Variants in DNAH11 observed in about 807,000 individuals in gnomAD.
DNAH11 encodes the protein dynein axonemal heavy chain 11.
A neutral mutation model predicts 526.0 loss-of-function variants in DNAH11; 442 were observed. That is an observed-to-expected ratio of 0.84 (90% CI 0.78 to 0.91). The LOEUF (loss-of-function observed/expected upper bound fraction) is 0.91, where lower values mean the gene tolerates loss of function less well. Ranked by LOEUF, DNAH11 falls within the 40% of genes least tolerant of loss-of-function variation. The pLI is 0.00. For synonymous variants in DNAH11, 2,461 were observed against 1,935.9 expected, an observed-to-expected ratio of 1.27 and a Z score of -7.12; for missense variants, 6,989 against 5,448.7, an observed-to-expected ratio of 1.28 and a Z score of -8.90.
chr7:21,634,350 C>G (rs1360244946), intron 25 of DNAH11, among the ~76,000 whole-genome samples: 2 of 152,066 alleles, frequency 1.3e-5, no homozygotes, highest in Admixed American at 6.6e-5. Flanking sequence ...ATTCGGTGAA[C>G]AAGAGGAGGA....
chr7:21,779,476 C>T (rs1282463191), intron 57 of DNAH11, among the ~76,000 whole-genome samples: 1 of 152,108 alleles, frequency 6.6e-6, no homozygotes, highest in Non-Finnish European at 1.5e-5. Flanking sequence ...GTTAACAAAG[C>T]CCATTCCGTC....
Position 21,687,485 on chromosome 7 carries a change from A to G in DNAH11, c.5882A>G (p.Gln1961Arg). The change falls in exon 34 of 82, where the codon CAA (glutamine) becomes CGA (arginine). Residue 1961 changes from glutamine to arginine, a missense_variant. Gln to Arg is a conservative substitution (Grantham distance 43). Transcript: ENST00000409508. The part of the protein sequence containing the change: ...SVEVLSVVAV[Q>R]VKMIHDAIRN... ...GAAGTTCTGTCAGTGGTGGCAGTACAAGTGAAAATGATTCATGATGCCATC... is the reference window on the plus strand; with the variant it reads ...GAAGTTCTGTCAGTGGTGGCAGTACGAGTGAAAATGATTCATGATGCCATC... 1 of 1,613,818 alleles carries G rather than the reference A, an allele frequency of 6.2e-7. No individual in the cohort carries two copies. The highest frequency in any genetic ancestry group is 8.5e-7 in the Non-Finnish European group (1 of 1,179,850).
chr7:21,623,257 A>G (rs952607187), intron 25 of DNAH11, among the ~76,000 whole-genome samples: 1 of 152,060 alleles, frequency 6.6e-6, no homozygotes, highest in African/African-American at 2.4e-5. Context: ...AATCAAAACC[A>G]CAATGAGATA....
intron 30 of DNAH11, among the ~76,000 whole-genome samples, chr7:21,680,277 C>T (rs768445582): frequency 1.3e-5 from 2 of 152,184 alleles, no homozygotes; most frequent in African/African-American, 2.4e-5. Context: ...ATTCACTTAC[C>T]ACCAGCTTTC....
chr7:21,828,634 CAAATG>C (rs1214019326), intron 65 of DNAH11, among the ~76,000 whole-genome samples: 2 of 151,866 alleles, frequency 1.3e-5, no homozygotes, highest in Non-Finnish European at 2.9e-5. Flanking sequence ...AAATAACAAA[CAAATG>C]AAATTGTCTT....
At chr7:21,852,278 G>T (rs1036957534) in intron 66 of DNAH11, among the ~76,000 whole-genome samples, 189 bp from the exon 67 acceptor site, 2 of 151,766 alleles carry the variant, frequency 1.3e-5, no homozygotes, top group South Asian at 4.2e-4. Flanking sequence ...GTGGTGGCAG[G>T]CACCTGTAAT....
chr7:21,600,116 T>C lies in DNAH11; in HGVS notation c.2997T>C (p.Tyr999=), dbSNP rs571896470. Residue 999 remains tyrosine (Y), a synonymous_variant, in exon 15 of 82, where the codon TAT becomes TAC. Transcript: ENST00000409508. ...CAACACACCTGGAAATTAAAAATTATCAGGTATTTTCTTAGTAAATGGGTA... is the reference window on the plus strand; with the variant it reads ...CAACACACCTGGAAATTAAAAATTACCAGGTATTTTCTTAGTAAATGGGTA... ...RIATHLEIKN[Y]QNDMDNMLGL... 2.4e-5 allele frequency: 37 copies of C among 1,533,886 alleles called. No homozygotes were observed. The South Asian group carries it at 4.5e-4, about 19-fold the overall frequency.
At position 21,839,239 on chromosome 7, in the gene DNAH11, T is replaced by C. The variant is rs116933873; in HGVS notation, c.10692-3305T>C. Among the ~76,000 whole-genome samples, 784 of 152,308 alleles carry C rather than the reference T, an allele frequency of 5.1e-3. 5 individuals are homozygous for C. The highest frequency in any genetic ancestry group is 6.8e-3 in the Middle Eastern group (2 of 294). On this transcript the variant is annotated intron_variant, in intron 65 of 81. Coordinates refer to ENST00000409508, the MANE Select transcript of DNAH11 (RefSeq NM_001277115.2). Reference sequence around the variant, plus strand: ...AATTATAGAAACATGACTGAATACATATTTATTGGCTGAATAGATGGAAGA... The same window carrying C: ...AATTATAGAAACATGACTGAATACACATTTATTGGCTGAATAGATGGAAGA...
chr7:21,812,877 C>T (rs1435925459), intron 63 of DNAH11, among the ~76,000 whole-genome samples: 2 of 152,162 alleles, frequency 1.3e-5, no homozygotes, highest in Non-Finnish European at 2.9e-5. Context: ...AAAGCTCTCT[C>T]ATAAGTCCAG....
chr7:21,868,181 A>G (rs908694757), intron 72 of DNAH11, among the ~76,000 whole-genome samples, 174 bp downstream of exon 72: 2 of 151,806 alleles, frequency 1.3e-5, no homozygotes, highest in Non-Finnish European at 2.9e-5. Context: ...GTCTGAAGAA[A>G]TGTTGAAATG....
intron 25 of DNAH11, among the ~76,000 whole-genome samples, chr7:21,631,362 C>T (rs1786598888): frequency 6.6e-6 from 1 of 152,162 alleles, no homozygotes; most frequent in African/African-American, 2.4e-5. Context: ...CCAATCATGC[C>T]TTCCCAACAG....
At chr7:21,680,969 A>G (rs1583588762) in intron 30 of DNAH11, among the ~76,000 whole-genome samples, 6 of 152,090 alleles carry the variant, frequency 3.9e-5, no homozygotes, top group South Asian at 2.1e-4. Flanking sequence ...GGACCGGGCT[A>G]TCATTAGGGT....
At chr7:21,854,494 G>T in intron 68 of DNAH11, 39 bp downstream of exon 68, 1 of 1,587,200 alleles carries the variant, frequency 6.3e-7, no homozygotes, top group Non-Finnish European at 8.6e-7. Flanking sequence ...GAAACTTTAG[G>T]AGTTCAATTT....
chr7:21,631,728 G>A (rs1389877185), intron 25 of DNAH11, among the ~76,000 whole-genome samples: 1 of 152,168 alleles, frequency 6.6e-6, no homozygotes, highest in African/African-American at 2.4e-5. Flanking sequence ...TGGCTTTTTG[G>A]GGTACAGTCT....
chr7:21,753,956 A>G (rs1786519333), intron 54 of DNAH11, among the ~76,000 whole-genome samples: 1 of 152,184 alleles, frequency 6.6e-6, no homozygotes, highest in Non-Finnish European at 1.5e-5. Context: ...AAAGTTTTGT[A>G]ACGGTGTATT....
At position 21,599,997 on chromosome 7, in the gene DNAH11, T is replaced by C; in HGVS notation, c.2878T>C (p.Ser960Pro). ...LLPPEIVFKPSLDREAGDGFY... is the reference protein window; with the variant it reads ...LLPPEIVFKPPLDREAGDGFY... ...GCCTCCTGAGATTGTGTTTAAACCT[T>C]CCCTAGACAGAGAGGCTGGGGATGG... The change falls in exon 15 of 82, where the codon TCC (serine) becomes CCC (proline). Residue 960 changes from serine to proline, a missense_variant. Physicochemically the swap from Ser to Pro is moderately conservative, Grantham distance 74. Coordinates refer to ENST00000409508, the MANE Select transcript of DNAH11 (RefSeq NM_001277115.2). 3.1e-6 allele frequency: 5 copies of C among 1,613,726 alleles called. No homozygotes were observed. Among genetic ancestry groups the C allele is most frequent in the African/African-American group, 1.3e-5 (1 of 75,004 alleles).
intron 25 of DNAH11, 68 bp from the exon 26 acceptor site, chr7:21,635,803 G>A (rs2128459365): frequency 7.7e-7 from 1 of 1,292,552 alleles, no homozygotes; most frequent in Non-Finnish European, 1.1e-6. Flanking sequence ...TAGATATAGT[G>A]CCTCCCTCAT....
At chr7:21,815,102 A>G (rs1236314974) in intron 63 of DNAH11, among the ~76,000 whole-genome samples, 1 of 152,024 alleles carries the variant, frequency 6.6e-6, no homozygotes, top group Non-Finnish European at 1.5e-5. Context: ...ATTCTGTTTG[A>G]TCCCTGGCTC....
At chr7:21,579,423 G>T (rs1784227538) in intron 8 of DNAH11, among the ~76,000 whole-genome samples, 1 of 152,160 alleles carries the variant, frequency 6.6e-6, no homozygotes, top group African/African-American at 2.4e-5. Flanking sequence ...TATCATATGG[G>T]TGCCCGGTGC....
Sources: allele counts gnomAD v4.1 joint callset (sites outside exome capture counted in the v4.1 genomes callset), GRCh38; gene constraint gnomAD v4.1.1; transcripts MANE v1.5; gene names NCBI Gene and HGNC (gene_info 2026-07-23, HGNC 2026-07-21).